GALK2: variants seen among roughly 807,000 people sequenced by gnomAD.
The protein encoded by GALK2 is galactokinase 2.
GALK2 carries 36 observed loss-of-function variants against 52.4 expected under a neutral mutation model. The observed-to-expected ratio is 0.69, with a 90% CI of 0.53 to 0.91. The LOEUF is 0.91. GALK2 is among the 40% of genes least tolerant of loss of function. The pLI, the probability that GALK2 is intolerant of heterozygous loss-of-function variation, is 0.00. For missense variants in GALK2, 579 were observed against 559.1 expected, an observed-to-expected ratio of 1.04 and a Z score of -0.36; for synonymous variants, 176 against 199.1, an observed-to-expected ratio of 0.88 and a Z score of 0.98.
At chr15:49,244,798 G>A (rs956459419) in intron 5 of GALK2, among the ~76,000 whole-genome samples, 12 of 151,874 alleles carry the variant, frequency 7.9e-5, no homozygotes, top group African/African-American at 2.9e-4. Context: ...AAGCAGTGCA[G>A]ATTAAAATGA....
intron 8 of GALK2, among the ~76,000 whole-genome samples, chr15:49,317,116 T>G (rs1170295225): frequency 6.6e-6 from 1 of 151,848 alleles, no homozygotes. Context: ...AATTATAAAA[T>G]GTTAGGGCTG....
intron 5 of GALK2, among the ~76,000 whole-genome samples, chr15:49,270,356 T>A (rs1444562422): frequency 6.6e-6 from 1 of 152,194 alleles, no homozygotes; most frequent in Non-Finnish European, 1.5e-5. Flanking sequence ...AGAGGAATCA[T>A]TCCAGTTCTT....
At chr15:49,180,750 T>C (rs920462617) in intron 1 of GALK2, among the ~76,000 whole-genome samples, 9 of 152,182 alleles carry the variant, frequency 5.9e-5, no homozygotes, top group Non-Finnish European at 4.4e-5. Context: ...CTTGGGCCTT[T>C]TCATGTCAAT....
chr15:49,165,482 A>G (rs1566894776), upstream of GALK2, among the ~76,000 whole-genome samples: 1 of 152,222 alleles, frequency 6.6e-6, no homozygotes, highest in Non-Finnish European at 1.5e-5. Flanking sequence ...AAATCAGAGT[A>G]AAACAGTCTT....
upstream of GALK2, among the ~76,000 whole-genome samples, chr15:49,167,843 A>G (rs1443911067): frequency 6.6e-6 from 1 of 152,250 alleles, no homozygotes; most frequent in Non-Finnish European, 1.5e-5. Flanking sequence ...AGTATAAGAA[A>G]GTAATGTTTT....
intron 1 of GALK2, among the ~76,000 whole-genome samples, chr15:49,186,567 G>GT (rs2086360856): frequency 7.1e-6 from 1 of 140,624 alleles, no homozygotes; most frequent in African/African-American, 2.7e-5. Context: ...TTGAGATGGA[G>GT]TCTCACTCTG....
At chr15:49,239,197 T>G (rs756310089) in intron 4 of GALK2, 24 bp from the exon 5 acceptor site, 1 of 1,607,440 alleles carries the variant, frequency 6.2e-7, no homozygotes, top group Non-Finnish European at 8.5e-7. Flanking sequence ...GAATTACTGT[T>G]GCTGTTTTTC....
chr15:49,170,688 TCC>T (rs772076176), intron 1 of GALK2: 55 of 151,858 alleles, frequency 3.6e-4, no homozygotes, highest in Non-Finnish European at 6.1e-4. Flanking sequence ...CACACTGAAC[TCC>T]TCTCTTTGTC....
At chr15:49,187,085 G>T (rs1157798483) in intron 1 of GALK2, among the ~76,000 whole-genome samples, 2 of 152,138 alleles carry the variant, frequency 1.3e-5, no homozygotes, top group Non-Finnish European at 2.9e-5. Context: ...AGGCTTTCTA[G>T]GTATTTGAAG....
chr15:49,258,243 G>A (rs1454007054), intron 5 of GALK2, among the ~76,000 whole-genome samples: 1 of 152,080 alleles, frequency 6.6e-6, no homozygotes, highest in Admixed American at 6.6e-5. Context: ...AGTGGGGAAA[G>A]AAGGGTGATG....
intron 1 of GALK2, chr15:49,198,838 T>TCCCTCC (rs2087470108): frequency 6.8e-5 from 6 of 88,214 alleles, no homozygotes; most frequent in Non-Finnish European, 1.1e-4. Context: ...TCCCCTCCCC[T>TCCCTCC]CTCCCTCCCT....
At chr15:49,274,449 G>A (rs1045997329) in intron 5 of GALK2, among the ~76,000 whole-genome samples, 1 of 152,182 alleles carries the variant, frequency 6.6e-6, no homozygotes, top group African/African-American at 2.4e-5. Context: ...GACCTTGCAG[G>A]ACTGGCAGTT....
At chr15:49,318,759 G>C (rs1033527536) in intron 8 of GALK2, among the ~76,000 whole-genome samples, 1 of 152,008 alleles carries the variant, frequency 6.6e-6, no homozygotes, top group African/African-American at 2.4e-5. Flanking sequence ...TTTCTGTTGG[G>C]GCAGAGTGGA....
At chr15:49,196,272 A>T (rs1041348064) in intron 1 of GALK2, among the ~76,000 whole-genome samples, 4 of 151,936 alleles carry the variant, frequency 2.6e-5, no homozygotes, top group African/African-American at 9.7e-5. Flanking sequence ...AGAGCTATGG[A>T]GTTTTCTGAC....
At chr15:49,291,152 C>T (rs956534945) in intron 7 of GALK2, among the ~76,000 whole-genome samples, 7 of 150,226 alleles carry the variant, frequency 4.7e-5, no homozygotes, top group Non-Finnish European at 1.0e-4. Context: ...GACAAGGTTT[C>T]GCCATTTTTT....
intron 8 of GALK2, among the ~76,000 whole-genome samples, chr15:49,297,670 A>T (rs2034603421): frequency 6.6e-6 from 1 of 152,196 alleles, no homozygotes; most frequent in Non-Finnish European, 1.5e-5. Flanking sequence ...TCCCAGTACC[A>T]TTTATTGAAT....
intron 3 of GALK2, among the ~76,000 whole-genome samples, chr15:49,357,486 A>G (rs2043365009): frequency 6.6e-6 from 1 of 152,192 alleles, no homozygotes; most frequent in Non-Finnish European, 1.5e-5. Context: ...AAAATCTAGA[A>G]GAAATAATGG....
intron 3 of GALK2, among the ~76,000 whole-genome samples, chr15:49,357,039 G>C (rs1234179605): frequency 6.6e-6 from 1 of 151,360 alleles, no homozygotes; most frequent in African/African-American, 2.4e-5. Context: ...AAACCAACGA[G>C]AACAAAGACA....
chr15:49,260,029 C>T lies in GALK2; in HGVS notation c.504+20662C>T, dbSNP rs926368256. Among the ~76,000 whole-genome samples, 51 of 150,924 alleles carry T rather than the reference C, an allele frequency of 3.4e-4. 1 individual carries two copies. The highest frequency in any genetic ancestry group is 1.2e-3 in the African/African-American group (48 of 41,120). ...AAGTCTTTGCTATTGTGAATAGTGC[C>T]GCAATAAACATACGTGTGCATGTGT... On this transcript the variant is annotated intron_variant, in intron 5 of 9. Coordinates refer to ENST00000560031, the MANE Select transcript of GALK2 (RefSeq NM_002044.4).
Sources: allele counts gnomAD v4.1 joint callset (sites outside exome capture counted in the v4.1 genomes callset), GRCh38; gene constraint gnomAD v4.1.1; transcripts MANE v1.5; gene names NCBI Gene and HGNC (gene_info 2026-07-23, HGNC 2026-07-21).